LHPP: variants seen among roughly 807,000 people sequenced by gnomAD.
The protein encoded by LHPP is hLHPP.
Under a neutral mutation model 30.3 loss-of-function variants are expected in LHPP, and 24 were observed. That is an observed-to-expected ratio of 0.79 (90% CI 0.57 to 1.11). LHPP has a LOEUF of 1.11. Among genes scored for constraint, LHPP ranks in the 50% most tolerant of loss-of-function variants. The pLI is 0.00. For synonymous variants in LHPP, 150 were observed against 157.1 expected, an observed-to-expected ratio of 0.95 and a Z score of 0.34; for missense variants, 356 against 367.2, an observed-to-expected ratio of 0.97 and a Z score of 0.25.
At chr10:124,482,249 CTA>C (rs753978271) in intron 1 of LHPP, among the ~76,000 whole-genome samples, 3 of 152,214 alleles carry the variant, frequency 2.0e-5, no homozygotes, top group South Asian at 2.1e-4. Context: ...TGCCTCCTCT[CTA>C]TGTGTGTTTT....
intron 6 of LHPP, among the ~76,000 whole-genome samples, chr10:124,557,998 A>T (rs866638900): frequency 6.6e-6 from 1 of 152,148 alleles, no homozygotes; most frequent in Non-Finnish European, 1.5e-5. Flanking sequence ...GCGCATGGTC[A>T]CATGGAGCCT....
intron 1 of LHPP, among the ~76,000 whole-genome samples, chr10:124,469,456 G>A (rs1223875552): frequency 6.6e-6 from 1 of 151,960 alleles, no homozygotes. Context: ...GAGGCCTGTC[G>A]TGCGCCAGGC....
intron 5 of LHPP, among the ~76,000 whole-genome samples, chr10:124,511,036 G>T (rs1954283258): frequency 6.6e-6 from 1 of 152,206 alleles, no homozygotes; most frequent in Non-Finnish European, 1.5e-5. Context: ...CTGGCCAGGT[G>T]TTGGTTTGAT....
At chr10:124,589,626 G>A (rs969408214) in intron 6 of LHPP, among the ~76,000 whole-genome samples, 1 of 152,194 alleles carries the variant, frequency 6.6e-6, no homozygotes, top group African/African-American at 2.4e-5. Flanking sequence ...AGCTCACCCG[G>A]CCCCAGCTTT....
At chr10:124,486,409 A>T (rs551431260) in intron 2 of LHPP, among the ~76,000 whole-genome samples, 6 of 152,216 alleles carry the variant, frequency 3.9e-5, no homozygotes, top group African/African-American at 1.4e-4. Flanking sequence ...AGGCTGAATG[A>T]TTCATTAGCA....
Position 124,596,097 on chromosome 10 carries a change from G to A in LHPP, c.717-17167G>A, listed in dbSNP as rs562453188. Among the ~76,000 whole-genome samples, 9 of 152,224 alleles carry A rather than the reference G, an allele frequency of 5.9e-5. No homozygotes were observed. Among genetic ancestry groups the A allele is most frequent in the East Asian group, 5.8e-4 (3 of 5,188 alleles). ...TCTGTGCAGCCAGACTCCATCCTAC[G>A]GCATCCGTGGGTGATGTTTCATCAC... On this transcript the variant is annotated intron_variant, in intron 6 of 6. Coordinates refer to ENST00000368842, the MANE Select transcript of LHPP (RefSeq NM_022126.4). This position sits in a 1 kb window ranked among gnomAD's most constrained non-coding sequence, Gnocchi z 4.6.
At chr10:124,588,260 T>C (rs1427204871) in intron 6 of LHPP, among the ~76,000 whole-genome samples, 1 of 151,842 alleles carries the variant, frequency 6.6e-6, no homozygotes, top group Non-Finnish European at 1.5e-5. Flanking sequence ...AAGCACTGCT[T>C]TCTGGAGCAG....
intron 5 of LHPP, among the ~76,000 whole-genome samples, chr10:124,505,389 A>G (rs757412214): frequency 6.6e-6 from 1 of 152,196 alleles, no homozygotes; most frequent in Non-Finnish European, 1.5e-5. Context: ...GCTTTAATCA[A>G]TAAAGTTATC....
intron 6 of LHPP, among the ~76,000 whole-genome samples, chr10:124,601,704 C>T (rs576708590): frequency 1.9e-4 from 29 of 152,324 alleles, no homozygotes; most frequent in African/African-American, 4.3e-4. Context: ...AAATAAGCCC[C>T]GTTTCCTCCC....
intron 6 of LHPP, among the ~76,000 whole-genome samples, chr10:124,527,491 G>A (rs1954772080): frequency 6.6e-6 from 1 of 152,160 alleles, no homozygotes; most frequent in Non-Finnish European, 1.5e-5. Flanking sequence ...CTCAGGTTGG[G>A]GACAGCCAGG....
intron 6 of LHPP, among the ~76,000 whole-genome samples, chr10:124,519,272 GT>G (rs1954543832): frequency 1.3e-5 from 2 of 152,274 alleles, no homozygotes; most frequent in Admixed American, 6.5e-5. Context: ...TCCATCAACA[GT>G]TTGCCGAATC....
chr10:124,498,773 G>A lies in LHPP; in HGVS notation c.624+645G>A, dbSNP rs143640962. ...CAGCCTGGACCTCCCAGGCTCAAGCGATCCTGCCATCTCAGTGCCCCCTTA... is the reference window on the plus strand; with the variant it reads ...CAGCCTGGACCTCCCAGGCTCAAGCAATCCTGCCATCTCAGTGCCCCCTTA... On this transcript the variant is annotated intron_variant, in intron 5 of 6. Coordinates refer to ENST00000368842, the MANE Select transcript of LHPP (RefSeq NM_022126.4). 489 of 453,638 alleles carry A rather than the reference G, an allele frequency of 1.1e-3. 8 individuals are homozygous for A. In the East Asian group the frequency reaches 0.028, roughly 26 times the overall value. The allele number at this position is 453,638 out of a possible 1,614,324, so 28.1% of individuals were successfully genotyped here. A position where few individuals can be genotyped will look rare whatever the true frequency, so the allele number is the denominator to read the frequency against.
chr10:124,572,222 A>G (rs1322540809), intron 6 of LHPP, among the ~76,000 whole-genome samples: 1 of 152,076 alleles, frequency 6.6e-6, no homozygotes, highest in Non-Finnish European at 1.5e-5. Context: ...TGTTTGAGAG[A>G]AGGTCACAGT....
chr10:124,554,727 T>C (rs1026814949), intron 6 of LHPP, among the ~76,000 whole-genome samples: 2 of 152,190 alleles, frequency 1.3e-5, no homozygotes, highest in East Asian at 3.9e-4. Context: ...GCTGTTAGCT[T>C]GGCGGGTCCC....
intron 1 of LHPP, among the ~76,000 whole-genome samples, chr10:124,464,090 T>G (rs190104501): frequency 1.3e-5 from 2 of 152,194 alleles, no homozygotes; most frequent in East Asian, 3.9e-4. Flanking sequence ...AGTTCTGGGA[T>G]TAGAGGTGTG....
At chr10:124,578,794 C>T (rs920771365) in intron 6 of LHPP, among the ~76,000 whole-genome samples, 26 of 125,858 alleles carry the variant, frequency 2.1e-4, no homozygotes, top group African/African-American at 6.3e-4. Flanking sequence ...AGCCCAGCAC[C>T]TAGGGGGCAT....
intron 6 of LHPP, among the ~76,000 whole-genome samples, chr10:124,528,790 G>GT (rs76244597): frequency 0.52 from 79,084 of 151,466 alleles, 21,278 homozygotes; most frequent in South Asian, 0.68. Flanking sequence ...TGTTGAGGAT[G>GT]TGGGGGATCG....
intron 1 of LHPP, among the ~76,000 whole-genome samples, chr10:124,480,255 G>A (rs549974780): frequency 1.3e-5 from 2 of 152,204 alleles, no homozygotes; most frequent in Non-Finnish European, 2.9e-5. Context: ...CAATGGGAGC[G>A]GACTTACCCC....
chr10:124,524,556 C>T (rs1307923077), intron 6 of LHPP, among the ~76,000 whole-genome samples: 2 of 152,160 alleles, frequency 1.3e-5, no homozygotes, highest in Non-Finnish European at 2.9e-5. Flanking sequence ...GGATTACAGG[C>T]ATGAGCCACC....
Sources: gnomAD v4.1 joint callset for allele counts (sites outside exome capture counted in the v4.1 genomes callset) on GRCh38, gnomAD v4.1.1 for gene constraint, Gnocchi (gnomAD v3.1) non-coding constraint, MANE v1.5 for transcripts, NCBI Gene and HGNC (gene_info 2026-07-23, HGNC 2026-07-21) for gene names.